LINGO1: variants seen among roughly 807,000 people sequenced by gnomAD.
LINGO1 encodes leucine-rich repeat and immunoglobulin-like domain-containing nogo receptor-interacting protein 1.
LINGO1 carries 11 observed loss-of-function variants against 37.3 expected under a neutral mutation model. The ratio of observed to expected loss-of-function variants is 0.29; its 90% CI spans 0.19 to 0.49. The LOEUF (loss-of-function observed/expected upper bound fraction) is 0.49. LINGO1 is among the 20% of genes least tolerant of loss of function. LINGO1 has a pLI of 0.99. For missense variants in LINGO1, 585 were observed against 878.2 expected (o/e 0.67, Z 4.22); for synonymous variants, 387 against 403.0 (o/e 0.96, Z 0.48).
At chr15:77,777,788 T>C (rs1025752393) in intron 1 of LINGO1, among the ~76,000 whole-genome samples, 12 of 151,778 alleles carry the variant, frequency 7.9e-5, no homozygotes, top group Non-Finnish European at 1.3e-4. Flanking sequence ...CCAGGTATGG[T>C]GGCACAGACC....
intron 2 of LINGO1, among the ~76,000 whole-genome samples, chr15:77,725,450 C>A (rs893564266): frequency 1.3e-5 from 2 of 152,128 alleles, no homozygotes; most frequent in Non-Finnish European, 2.9e-5. Flanking sequence ...ACTGTAGCAA[C>A]CACTGGGGAG....
At chr15:77,667,422 G>A (rs1036864826) in intron 3 of LINGO1, among the ~76,000 whole-genome samples, 13 of 152,192 alleles carry the variant, frequency 8.5e-5, no homozygotes, top group African/African-American at 1.7e-4. Flanking sequence ...AGGGAGGGGC[G>A]AGGGGCCATG....
upstream of LINGO1, among the ~76,000 whole-genome samples, chr15:77,637,295 A>G (rs976071041): frequency 1.3e-5 from 2 of 152,230 alleles, no homozygotes; most frequent in African/African-American, 4.8e-5. This position sits in a 1 kb window ranked among gnomAD's most constrained non-coding sequence, Gnocchi z 4.6. Flanking sequence ...CCAAGACTCA[A>G]GGGCAAGGGT....
At chr15:77,713,518 G>A (rs901154021) in intron 2 of LINGO1, among the ~76,000 whole-genome samples, 19 of 152,104 alleles carry the variant, frequency 1.2e-4, no homozygotes, top group African/African-American at 3.9e-4. Context: ...AGGGTTGGGC[G>A]GGGAGGGGTG....
intron 2 of LINGO1, among the ~76,000 whole-genome samples, chr15:77,795,394 C>T (rs1372968870): frequency 6.6e-6 from 1 of 152,226 alleles, no homozygotes. Flanking sequence ...CCTCTGTTCA[C>T]AGAGAGCCAA....
At chr15:77,645,529 T>C (rs1388714999) in intron 3 of LINGO1, among the ~76,000 whole-genome samples, 2 of 152,216 alleles carry the variant, frequency 1.3e-5, no homozygotes, top group African/African-American at 2.4e-5. Context: ...TAAAGATAAA[T>C]GCCAGCTAAT....
At chr15:77,777,907 G>A (rs1304799811) in intron 1 of LINGO1, among the ~76,000 whole-genome samples, 1 of 141,780 alleles carries the variant, frequency 7.1e-6, no homozygotes, top group African/African-American at 2.6e-5. Flanking sequence ...CTGGGCAGCA[G>A]AGCAAGACCT....
chr15:77,675,319 G>T (rs1162948626), intron 3 of LINGO1, among the ~76,000 whole-genome samples: 1 of 152,156 alleles, frequency 6.6e-6, no homozygotes, highest in African/African-American at 2.4e-5. Context: ...ACACACAGAT[G>T]TGCAAACCCA....
chr15:77,796,763 G>A (rs866507150), intron 1 of LINGO1, among the ~76,000 whole-genome samples: 2 of 151,840 alleles, frequency 1.3e-5, no homozygotes, highest in Non-Finnish European at 2.9e-5. Context: ...CCAGCCTGGA[G>A]GGCAGTGGTG....
intron 2 of LINGO1, among the ~76,000 whole-genome samples, chr15:77,716,018 C>A (rs1351364856): frequency 6.6e-6 from 1 of 152,196 alleles, no homozygotes; most frequent in Admixed American, 6.5e-5. Context: ...ACTTAACATG[C>A]ATTTACTATG....
intron 2 of LINGO1, among the ~76,000 whole-genome samples, chr15:77,703,743 C>A (rs1456073743): frequency 6.6e-6 from 1 of 151,758 alleles, no homozygotes; most frequent in African/African-American, 2.4e-5. Flanking sequence ...TACAGACAGG[C>A]TATGCCCAGT....
chr15:77,725,969 G>A (rs551526688), intron 2 of LINGO1, among the ~76,000 whole-genome samples: 2 of 152,298 alleles, frequency 1.3e-5, no homozygotes, highest in South Asian at 2.1e-4. Flanking sequence ...TCATTTTCCT[G>A]GCTGCAGAGT....
At chr15:77,658,534 C>T (rs759450920) in intron 3 of LINGO1, among the ~76,000 whole-genome samples, 5 of 152,176 alleles carry the variant, frequency 3.3e-5, no homozygotes, top group Non-Finnish European at 7.3e-5. Context: ...GGAAGGCAGC[C>T]GATCCGCAAG....
chr15:77,701,982 G>C (rs1161764978), intron 2 of LINGO1, among the ~76,000 whole-genome samples: 1 of 152,208 alleles, frequency 6.6e-6, no homozygotes, highest in Non-Finnish European at 1.5e-5. Flanking sequence ...GCCCAGCTGA[G>C]AGCTAGGACC....
At chr15:77,616,401 G>A (rs747557558) in intron 1 of LINGO1, among the ~76,000 whole-genome samples, 32 of 152,300 alleles carry the variant, frequency 2.1e-4, no homozygotes, top group African/African-American at 6.0e-4. Context: ...TAGCCTGCAC[G>A]GCCAGGGCTT....
At chr15:77,758,841 T>C (rs189316526) in intron 1 of LINGO1, among the ~76,000 whole-genome samples, 129 of 148,386 alleles carry the variant, frequency 8.7e-4, no homozygotes, top group Non-Finnish European at 2.4e-4. Context: ...AGGATCACCA[T>C]TGTCGAGGAG....
chr15:77,807,105 T>G (rs946226259), intron 1 of LINGO1, among the ~76,000 whole-genome samples: 1 of 152,208 alleles, frequency 6.6e-6, no homozygotes, highest in Non-Finnish European at 1.5e-5. Context: ...TCCTTCCTCC[T>G]TGACCCAGTT....
At chr15:77,742,363 C>T (rs1175386064) in intron 1 of LINGO1, among the ~76,000 whole-genome samples, 3 of 152,220 alleles carry the variant, frequency 2.0e-5, no homozygotes, top group African/African-American at 7.2e-5. Flanking sequence ...CAGAGCCACT[C>T]GATGGCCACT....
chr15:77,755,485 CA>C (rs1202190568), intron 1 of LINGO1, among the ~76,000 whole-genome samples: 7 of 152,232 alleles, frequency 4.6e-5, no homozygotes, highest in Admixed American at 4.6e-4. Flanking sequence ...TCACGCTGAG[CA>C]GGCCACTACC....
Sources: allele counts gnomAD v4.1 joint callset (sites outside exome capture counted in the v4.1 genomes callset), GRCh38; gene constraint gnomAD v4.1.1; non-coding constraint Gnocchi (gnomAD v3.1); transcripts MANE v1.5; gene names NCBI Gene and HGNC (gene_info 2026-07-23, HGNC 2026-07-21).